Variants in NEGR1 observed in about 807,000 individuals in gnomAD.
NEGR1 encodes neuronal growth regulator 1, also known as IgLON family member 4.
In NEGR1, 10 loss-of-function variants were observed where a neutral mutation model predicts 40.9. The ratio of observed to expected loss-of-function variants is 0.24; its 90% CI spans 0.15 to 0.42. The LOEUF (loss-of-function observed/expected upper bound fraction) is 0.42. Among genes scored for constraint, NEGR1 ranks in the 10% least tolerant of loss-of-function variants. The pLI, the probability that NEGR1 is intolerant of heterozygous loss-of-function variation, is 1.00. For missense variants in NEGR1, 352 were observed against 438.9 expected (o/e 0.80, Z 1.77); for synonymous variants, 185 against 166.8 (o/e 1.11, Z -0.84).
intron 1 of NEGR1, among the ~76,000 whole-genome samples, chr1:72,102,703 C>T (rs1021112835): frequency 2.0e-5 from 3 of 152,040 alleles, no homozygotes; most frequent in Non-Finnish European, 2.9e-5. Flanking sequence ...TGTGCATGTA[C>T]ACATACACAT....
At chr1:72,152,438 C>G (rs1651159759) in intron 1 of NEGR1, among the ~76,000 whole-genome samples, 1 of 151,848 alleles carries the variant, frequency 6.6e-6, no homozygotes, top group Admixed American at 6.6e-5. Flanking sequence ...TCTTCTCACA[C>G]CAGTCAGAAT....
intron 6 of NEGR1, among the ~76,000 whole-genome samples, chr1:71,545,908 T>C (rs1411182119): frequency 1.3e-5 from 2 of 151,828 alleles, no homozygotes; most frequent in South Asian, 2.1e-4. Flanking sequence ...CTTTCCTCTC[T>C]GTAAAATTAG....
intron 1 of NEGR1, among the ~76,000 whole-genome samples, chr1:72,169,969 G>T (rs1451488716): frequency 6.6e-6 from 1 of 152,042 alleles, no homozygotes; most frequent in Non-Finnish European, 1.5e-5. Flanking sequence ...TACCAGTTTT[G>T]GGAGTTTACA....
In NEGR1 at chr1:72,266,763, A is replaced by G. The variant is rs945995886; in HGVS notation, c.176+15556T>C. Among the ~76,000 whole-genome samples the G allele has an allele frequency of 2.0e-5, 3 of 148,734 alleles. No homozygotes were observed. In the South Asian group the frequency reaches 6.4e-4, roughly 32 times the overall value. On this transcript the variant is annotated intron_variant, in intron 1 of 6. Transcript: ENST00000357731. ...CACACACACACACACACACACACACACCAATTTGGAAATGAGAAAAAAACA... is the reference window on the plus strand; with the variant it reads ...CACACACACACACACACACACACACGCCAATTTGGAAATGAGAAAAAAACA...
At chr1:71,818,079 A>G (rs967547252) in intron 2 of NEGR1, among the ~76,000 whole-genome samples, 1 of 152,024 alleles carries the variant, frequency 6.6e-6, no homozygotes, top group Non-Finnish European at 1.5e-5. Flanking sequence ...GAACACTTAT[A>G]CACTGGTGAT....
At chr1:72,030,138 A>G (rs1193927443) in intron 1 of NEGR1, among the ~76,000 whole-genome samples, 1 of 152,124 alleles carries the variant, frequency 6.6e-6, no homozygotes, top group Non-Finnish European at 1.5e-5. Context: ...CTCACTTGAC[A>G]CAAGTGACAA....
chr1:72,161,424 G>T (rs1344735376), intron 1 of NEGR1, among the ~76,000 whole-genome samples: 1 of 151,992 alleles, frequency 6.6e-6, no homozygotes, highest in Non-Finnish European at 1.5e-5. Flanking sequence ...CCCCCAGGGG[G>T]CATTTGTCTG....
intron 1 of NEGR1, among the ~76,000 whole-genome samples, chr1:72,215,029 G>A (rs112862787): frequency 0.033 from 4,986 of 152,080 alleles, 244 homozygotes; most frequent in African/African-American, 0.11. Flanking sequence ...AGAGACCAAT[G>A]AAACTGAACA....
intron 1 of NEGR1, among the ~76,000 whole-genome samples, chr1:72,247,561 T>G (rs1000080351): frequency 8.5e-5 from 13 of 152,196 alleles, no homozygotes; most frequent in Admixed American, 6.5e-5. Flanking sequence ...CACATGACCT[T>G]TACTCCAGTT....
At chr1:71,763,392 G>T (rs934247239) in intron 3 of NEGR1, among the ~76,000 whole-genome samples, 1 of 152,048 alleles carries the variant, frequency 6.6e-6, no homozygotes, top group African/African-American at 2.4e-5. Context: ...TCATCTTCAT[G>T]CCCCATTGGG....
chr1:71,662,790 T>C (rs2101592076), intron 4 of NEGR1, among the ~76,000 whole-genome samples: 1 of 151,968 alleles, frequency 6.6e-6, no homozygotes, highest in East Asian at 1.9e-4. Flanking sequence ...TAGATGACTT[T>C]TAAAAATGTA....
At chr1:71,628,482 G>T (rs1348980758) in intron 4 of NEGR1, among the ~76,000 whole-genome samples, 1 of 151,900 alleles carries the variant, frequency 6.6e-6, no homozygotes, top group African/African-American at 2.4e-5. Context: ...TGTTACATAG[G>T]TATACACGTG....
intron 6 of NEGR1, chr1:71,484,703 T>C (rs1022764355): frequency 6.6e-6 from 1 of 151,768 alleles, no homozygotes; most frequent in Admixed American, 6.6e-5. Context: ...ATAGTATTAA[T>C]AATCTTCCAT....
chr1:71,940,823 A>G (rs1008590128), intron 1 of NEGR1, among the ~76,000 whole-genome samples: 2 of 152,176 alleles, frequency 1.3e-5, no homozygotes, highest in African/African-American at 4.8e-5. Flanking sequence ...TATTTTTTAA[A>G]GCTCAGTTAA....
At chr1:71,936,059 A>G (rs907846593) in intron 1 of NEGR1, among the ~76,000 whole-genome samples, 13 of 152,090 alleles carry the variant, frequency 8.5e-5, no homozygotes, top group Admixed American at 4.6e-4. Flanking sequence ...TTCACCTCCC[A>G]AAGTGCTGGG....
intron 6 of NEGR1, among the ~76,000 whole-genome samples, chr1:71,489,226 C>G (rs898382396): frequency 6.6e-6 from 1 of 151,736 alleles, no homozygotes; most frequent in Non-Finnish European, 1.5e-5. Context: ...GAATTGGGAG[C>G]TCTTTCATGA....
chr1:72,261,932 T>C (rs999045082), intron 1 of NEGR1, among the ~76,000 whole-genome samples: 8 of 152,076 alleles, frequency 5.3e-5, no homozygotes, highest in African/African-American at 1.7e-4. Flanking sequence ...ATTTGGGTGA[T>C]GTATACACTA....
chr1:71,765,055 C>T (rs753543266), intron 3 of NEGR1, among the ~76,000 whole-genome samples: 2 of 151,998 alleles, frequency 1.3e-5, no homozygotes, highest in South Asian at 2.1e-4. Context: ...CACCGGTGGT[C>T]GGCTGCCAGT....
intron 2 of NEGR1, among the ~76,000 whole-genome samples, chr1:71,806,677 C>T (rs1657781439): frequency 6.6e-6 from 1 of 151,990 alleles, no homozygotes; most frequent in South Asian, 2.1e-4. Context: ...CCATCAAATA[C>T]TCACAATGGC....
Sources: gnomAD v4.1 joint callset for allele counts (sites outside exome capture counted in the v4.1 genomes callset) on GRCh38, gnomAD v4.1.1 for gene constraint, MANE v1.5 for transcripts, NCBI Gene and HGNC (gene_info 2026-07-23, HGNC 2026-07-21) for gene names.